The following VPS35 variants were observed in gnomAD, a reference collection of about 807,000 sequenced individuals.
The protein encoded by VPS35 is vacuolar protein sorting-associated protein 35.
In VPS35, 21 loss-of-function variants were observed where a neutral mutation model predicts 98.1. That is an observed-to-expected ratio of 0.21 (90% confidence interval 0.15 to 0.31). The LOEUF is 0.31. Ranked by LOEUF, VPS35 falls within the 10% of genes least tolerant of loss-of-function variation. VPS35 has a pLI of 1.00. For missense variants in VPS35, 554 were observed against 950.8 expected, an observed-to-expected ratio of 0.58 and a Z score of 5.49; for synonymous variants, 268 against 318.2, an observed-to-expected ratio of 0.84 and a Z score of 1.68.
chr16:46,668,091 C>T (rs990323473), intron 13 of VPS35, among the ~76,000 whole-genome samples: 19 of 152,030 alleles, frequency 1.2e-4, no homozygotes, highest in Admixed American at 7.2e-4. Context: ...TTCTCTATTA[C>T]GAGAAAATCA....
intron 12 of VPS35, 30 bp from the exon 13 acceptor site, chr16:46,669,082 T>C (rs758178199): frequency 1.2e-6 from 2 of 1,613,304 alleles, no homozygotes; most frequent in Admixed American, 1.7e-5. Flanking sequence ...GAAAAAAAAA[T>C]TTCCAAACTC....
chr16:46,662,438 C>T lies in VPS35; in HGVS notation c.1872G>A (p.Gln624=). ...YEDEISDSKA[Q]LAAITLIIGT... is the part of the protein sequence containing the mutation. ...CAATGATCAAGGTGATGGCAGCTAG[C>T]TGTGCTTTGGAATCGCTGATTTCAT... The change falls in exon 15 of 17, where the codon CAG becomes CAA. Residue 624 remains glutamine (Q), a synonymous_variant. Transcript: ENST00000299138. 4 of 1,614,208 alleles carry T rather than the reference C, an allele frequency of 2.5e-6. No individual in the cohort carries two copies. The highest frequency in any genetic ancestry group is 3.4e-6 in the Non-Finnish European group (4 of 1,180,048).
chr16:46,679,852 G>A (rs1159353373), intron 5 of VPS35, among the ~76,000 whole-genome samples: 2 of 151,764 alleles, frequency 1.3e-5, no homozygotes, highest in Admixed American at 6.6e-5. Context: ...TATCTTTTCT[G>A]TACTGTTTTA....
Position 46,689,172 on chromosome 16 carries a change from C to T in VPS35, c.-39G>A, listed in dbSNP as rs768774857. The T allele has an allele frequency of 1.2e-6, 2 of 1,601,988 alleles. No individual in the cohort carries two copies. The highest frequency in any genetic ancestry group is 2.3e-5 in the East Asian group (1 of 44,240). Reference sequence around the variant, plus strand: ...AGCCTGCAGCAAGCAGCACCCGCCCCGCGCGTAGCCTCCCGCGGTCATGTG... The same window carrying T: ...AGCCTGCAGCAAGCAGCACCCGCCCTGCGCGTAGCCTCCCGCGGTCATGTG... On this transcript the variant is annotated 5_prime_UTR_variant, in exon 1 of 17. Transcript: ENST00000299138.
Position 46,672,357 on chromosome 16 carries a change from C to A in VPS35, c.1276G>T (p.Glu426Ter). The change falls in exon 11 of 17, where the codon GAG becomes TAG. Residue 426 changes from glutamate to a stop codon, truncating the protein, a stop_gained. Coordinates refer to ENST00000299138, the MANE Select transcript of VPS35 (RefSeq NM_018206.6). LOFTEE classifies it high-confidence loss of function. ...TTTCTGGACTCGTAGTCAAAGTACT[C>A]AAAGAGTGGGTGAAAATGTTTTAAT... is the stretch of plus-strand genomic sequence containing the variant. ...LKLKHFHPLF[E>*]YFDYESRKSM... The A allele has an allele frequency of 6.2e-7, 1 of 1,613,708 alleles. No individual in the cohort carries two copies. The highest frequency in any genetic ancestry group is 8.5e-7 in the Non-Finnish European group (1 of 1,179,834).
At chr16:46,683,360 A>G (rs778098939) in intron 2 of VPS35, 148 bp downstream of exon 2, 1 of 761,412 alleles carries the variant, frequency 1.3e-6, no homozygotes, top group Non-Finnish European at 2.2e-6. Flanking sequence ...TTGCTCCACA[A>G]AGTGCTTGAG....
chr16:46,672,895 A>G (rs1156555872), intron 10 of VPS35, among the ~76,000 whole-genome samples: 1 of 152,234 alleles, frequency 6.6e-6, no homozygotes, highest in African/African-American at 2.4e-5. Context: ...CACAACAGAA[A>G]AACACATAAA....
rs1965918743 is a variant in VPS35, at chr16:46,661,835, C to T, written c.2094G>A (p.Glu698=). 6.2e-7 allele frequency: 1 copy of T among 1,613,960 alleles called. No homozygotes were observed. The highest frequency in any genetic ancestry group is 1.7e-5 in the Admixed American group (1 of 59,988). ...EELHGGKRVM[E]CLKKALKIAN... is the part of the protein sequence containing the mutation. ...CTATTTTTAGAGCTTTTTTTAGGCACTCCATTACCCTCTTGCCTCCGTGAA... is the reference window on the plus strand; with the variant it reads ...CTATTTTTAGAGCTTTTTTTAGGCATTCCATTACCCTCTTGCCTCCGTGAA... The change falls in exon 16 of 17, where the codon GAG becomes GAA. Residue 698 remains glutamate (E), a synonymous_variant. Transcript: ENST00000299138. The surrounding 1 kb of genome is among the most constrained non-coding windows in gnomAD (Gnocchi z 4.3).
At position 46,660,530 on chromosome 16, in the gene VPS35, C is replaced by T. The variant is rs532641584; in HGVS notation, c.2333G>A (p.Arg778His). Reference sequence around the variant, plus strand: ...GGATTCTGGTGATTCCCGCCGCAAGCGCAAATGCTCCAGTGTGTTATGAAA... The same window carrying T: ...GGATTCTGGTGATTCCCGCCGCAAGTGCAAATGCTCCAGTGTGTTATGAAA... The part of the protein sequence containing the change: ...KHFHNTLEHL[R>H]LRRESPESEG... The change falls in exon 17 of 17, where the codon CGC becomes CAC. Residue 778 changes from arginine (R) to histidine (H), a missense_variant. Arg to His is a conservative substitution (Grantham distance 29). Around this residue, in one of 5 missense-constraint regions of VPS35, gnomAD observed 153 missense variants for 211.0 expected, o/e 0.73. Transcript: ENST00000299138. 7.4e-6 allele frequency: 12 copies of T among 1,613,840 alleles called. No individual in the cohort carries two copies. Among genetic ancestry groups the T allele is most frequent in the Non-Finnish European group, 9.3e-6 (11 of 1,180,014 alleles).
At position 46,658,086 on chromosome 16, in the gene VPS35, T is replaced by A. The variant is rs1965858095; in HGVS notation, c.*2386A>T. 2 of 152,246 alleles carry A rather than the reference T, an allele frequency of 1.3e-5. No individual in the cohort carries two copies. The highest frequency in any genetic ancestry group is 4.1e-4 in the South Asian group (2 of 4,828). 9.4% of individuals were successfully genotyped at this position (152,246 alleles called of 1,614,324 possible). On this transcript the variant is annotated 3_prime_UTR_variant, in exon 17 of 17. Transcript: ENST00000299138. ...TTTAAATGCTAAGTCAATTTCTAAA[T>A]ATCTATTTCACTACAGGCAGCCAAG...
intron 10 of VPS35, 144 bp downstream of exon 10, chr16:46,674,170 G>GC (rs1966107230): frequency 2.3e-6 from 2 of 883,810 alleles, no homozygotes; most frequent in Non-Finnish European, 3.5e-6. Context: ...ACTACTTTCT[G>GC]CCCCTAGTAG....
chr16:46,669,090 C>G, intron 12 of VPS35, 38 bp from the exon 13 acceptor site: 1 of 1,613,138 alleles, frequency 6.2e-7, no homozygotes, highest in Non-Finnish European at 8.5e-7. Context: ...AATTTCCAAA[C>G]TCTGATTAAT....
chr16:46,660,660 G>T lies in VPS35; in HGVS notation c.2212-9C>A. ...AAAACCTGAATTGTTACCTACAAAA[G>T]AATATGTACAAATTCATGATCAAGC... On this transcript the variant is annotated splice_polypyrimidine_tract_variant and intron_variant, in intron 16 of 16. Coordinates refer to ENST00000299138, the MANE Select transcript of VPS35 (RefSeq NM_018206.6). 1 of 1,612,164 alleles carries T rather than the reference G, an allele frequency of 6.2e-7. No homozygotes were observed. Among genetic ancestry groups the T allele is most frequent in the Non-Finnish European group, 8.5e-7 (1 of 1,179,372 alleles).
chr16:46,661,475 C>A lies in VPS35; in HGVS notation c.2211+243G>T. 1 of 385,320 alleles carries A rather than the reference C, an allele frequency of 2.6e-6. No individual in the cohort carries two copies. Among genetic ancestry groups the A allele is most frequent in the Non-Finnish European group, 4.9e-6 (1 of 205,736 alleles). 23.9% of individuals were successfully genotyped at this position (385,320 alleles called of 1,614,324 possible). A position where few individuals can be genotyped will look rare whatever the true frequency, so the allele number is the denominator to read the frequency against. On this transcript the variant is annotated intron_variant, in intron 16 of 16. Coordinates refer to ENST00000299138, the MANE Select transcript of VPS35 (RefSeq NM_018206.6). This position sits in a 1 kb window ranked among gnomAD's most constrained non-coding sequence, Gnocchi z 4.3. ...AAACTCCTGACCTCAGGTGATCTGC[C>A]TGCCTCAGCCTCCCAAAGTGCTGGG... is the stretch of plus-strand genomic sequence containing the variant.
At chr16:46,664,861 A>G (rs1965965964) in intron 13 of VPS35, among the ~76,000 whole-genome samples, 1 of 152,162 alleles carries the variant, frequency 6.6e-6, no homozygotes, top group Non-Finnish European at 1.5e-5. Flanking sequence ...TCCCGATACT[A>G]ATTCGAAATC....
chr16:46,678,305 TA>T (rs58288436), intron 6 of VPS35, among the ~76,000 whole-genome samples: 43 of 119,344 alleles, frequency 3.6e-4, no homozygotes, highest in African/African-American at 1.3e-3. Context: ...TGATGAGCTT[TA>T]AAAAAAAAAA....
At chr16:46,679,532 G>A (rs1055592162) in intron 5 of VPS35, among the ~76,000 whole-genome samples, 6 of 152,134 alleles carry the variant, frequency 3.9e-5, no homozygotes, top group African/African-American at 1.4e-4. Context: ...TTTAAAACTG[G>A]CCTGGGCAAC....
chr16:46,673,988 T>C, intron 10 of VPS35: 1 of 310,828 alleles, frequency 3.2e-6, no homozygotes, highest in Non-Finnish European at 6.1e-6. Context: ...TGTTAGTGTA[T>C]TTTATGTGTG....
chr16:46,683,288 G>A, intron 2 of VPS35: 1 of 585,556 alleles, frequency 1.7e-6, no homozygotes, highest in South Asian at 2.0e-5. Flanking sequence ...TATTCTAGTA[G>A]GGAAGACAGA....
Sources: allele counts gnomAD v4.1 joint callset (sites outside exome capture counted in the v4.1 genomes callset), GRCh38; gene constraint gnomAD v4.1.1; regional missense constraint gnomAD v4.1.1; non-coding constraint Gnocchi (gnomAD v3.1); transcripts MANE v1.5; gene names NCBI Gene and HGNC (gene_info 2026-07-23, HGNC 2026-07-21).